The following CTNNBL1 variants were observed in gnomAD, a reference collection of about 807,000 sequenced individuals.
CTNNBL1 encodes catenin beta like 1.
A neutral mutation model predicts 72.7 loss-of-function variants in CTNNBL1; 31 were observed. The ratio of observed to expected loss-of-function variants is 0.43; its 90% CI spans 0.32 to 0.58. The LOEUF (loss-of-function observed/expected upper bound fraction) is 0.58. CTNNBL1 is among the 20% of genes least tolerant of loss of function. The probability of loss-of-function intolerance (pLI) is 0.08; values close to 1 mark genes in which losing one functional copy is unlikely to be tolerated. For missense variants in CTNNBL1, 534 were observed against 725.1 expected (o/e 0.74, Z 3.03); for synonymous variants, 240 against 267.3 (o/e 0.90, Z 1.00).
intron 13 of CTNNBL1, among the ~76,000 whole-genome samples, chr20:37,858,562 G>C (rs1405797883): frequency 6.6e-6 from 1 of 151,848 alleles, no homozygotes; most frequent in East Asian, 2.0e-4. Context: ...TGGCAGAAGT[G>C]TTCACAGTGC....
At chr20:37,711,783 G>C (rs138208253) in intron 1 of CTNNBL1, among the ~76,000 whole-genome samples, 48 of 151,926 alleles carry the variant, frequency 3.2e-4, no homozygotes, top group African/African-American at 9.7e-4. Context: ...AAAGATCAAG[G>C]GAAAAGCCAA....
intron 11 of CTNNBL1, among the ~76,000 whole-genome samples, chr20:37,803,670 A>T (rs2073841036): frequency 6.6e-6 from 1 of 152,176 alleles, no homozygotes; most frequent in Admixed American, 6.5e-5. Context: ...ATTTATGAGC[A>T]TTGACAGTTC....
At chr20:37,704,085 T>C (rs550912576) in intron 1 of CTNNBL1, among the ~76,000 whole-genome samples, 1 of 152,332 alleles carries the variant, frequency 6.6e-6, no homozygotes, top group African/African-American at 2.4e-5. Flanking sequence ...CCATGGTTCT[T>C]TTCTTCATGG....
At chr20:37,847,377 T>C (rs993810509) in intron 13 of CTNNBL1, among the ~76,000 whole-genome samples, 3 of 152,182 alleles carry the variant, frequency 2.0e-5, no homozygotes, top group Admixed American at 6.5e-5. Context: ...ATAATGTCTC[T>C]GGACATACCC....
intron 10 of CTNNBL1, among the ~76,000 whole-genome samples, chr20:37,800,929 G>T (rs2073819063): frequency 6.6e-6 from 1 of 152,142 alleles, no homozygotes; most frequent in Admixed American, 6.5e-5. Context: ...AAATTTACAT[G>T]ACTGATTCAT....
At chr20:37,867,671 C>CTGCA (rs1285152627) in intron 15 of CTNNBL1, among the ~76,000 whole-genome samples, 2 of 152,104 alleles carry the variant, frequency 1.3e-5, no homozygotes, top group Non-Finnish European at 2.9e-5. Context: ...TCCCCTCATC[C>CTGCA]TGCAGTCTCT....
chr20:37,777,239 A>G (rs1033961614), intron 7 of CTNNBL1, 106 bp from the exon 8 acceptor site: 1 of 869,798 alleles, frequency 1.1e-6, no homozygotes, highest in African/African-American at 1.7e-5. Flanking sequence ...TCCTTTTCTA[A>G]CTTCTGCTTC....
At chr20:37,769,850 T>C (rs2073507070) in intron 7 of CTNNBL1, among the ~76,000 whole-genome samples, 1 of 152,254 alleles carries the variant, frequency 6.6e-6, no homozygotes, top group Non-Finnish European at 1.5e-5. Context: ...AGGTCAGATT[T>C]GTCCTCCACT....
chr20:37,744,994 A>G (rs1184159111), intron 3 of CTNNBL1, among the ~76,000 whole-genome samples: 2 of 152,208 alleles, frequency 1.3e-5, no homozygotes, highest in Non-Finnish European at 2.9e-5. Context: ...GCTTAAACAT[A>G]AAGAGTATTA....
chr20:37,766,548 T>C (rs1175924281), intron 6 of CTNNBL1, among the ~76,000 whole-genome samples: 1 of 152,092 alleles, frequency 6.6e-6, no homozygotes, highest in Non-Finnish European at 1.5e-5. Flanking sequence ...AAAAGCACTG[T>C]GGGAATGAAG....
chr20:37,736,825 T>C (rs114593123), intron 2 of CTNNBL1, among the ~76,000 whole-genome samples: 6,283 of 152,226 alleles, frequency 0.041, 366 homozygotes, highest in African/African-American at 0.13. Flanking sequence ...AACCGAATTT[T>C]CTGTGTTACA....
rs369087339 is a variant in CTNNBL1 at position 37,840,898 on chromosome 20, T to A, written c.1311+699T>A. On this transcript the variant is annotated intron_variant, in intron 12 of 15. Coordinates refer to ENST00000361383, the MANE Select transcript of CTNNBL1 (RefSeq NM_030877.5). ...GGGAACACAATTACATGAGATTAGA[T>A]GGTTCGGGCTATGGAAGCTGGGAAC... Among the ~76,000 whole-genome samples, 6 of 152,070 alleles carry A rather than the reference T, an allele frequency of 3.9e-5. No homozygotes were observed. The South Asian group carries it at 6.3e-4, about 16-fold the overall frequency.
intron 15 of CTNNBL1, among the ~76,000 whole-genome samples, chr20:37,862,803 G>A (rs952327395): frequency 1.3e-5 from 2 of 148,976 alleles, no homozygotes; most frequent in African/African-American, 2.5e-5. Context: ...TTCATAGCCA[G>A]CTCCTTAGTC....
rs112138979 is a variant in CTNNBL1, at chr20:37,785,762, T to G, written c.1031+6427T>G. Among the ~76,000 whole-genome samples the G allele has an allele frequency of 3.2e-3, 495 of 152,346 alleles. 7 individuals carry two copies. The highest frequency in any genetic ancestry group is 0.011 in the African/African-American group (446 of 41,576). Reference sequence around the variant, plus strand: ...ACTGGTCTCTTACTTAGTTCATTTGTTGAGGTCATGTTTTCTTGGACGGTC... The same window carrying G: ...ACTGGTCTCTTACTTAGTTCATTTGGTGAGGTCATGTTTTCTTGGACGGTC... On this transcript the variant is annotated intron_variant, in intron 10 of 15. Transcript: ENST00000361383.
chr20:37,756,181 C>CT (rs2073361362), intron 4 of CTNNBL1: 1 of 152,200 alleles, frequency 6.6e-6, no homozygotes, highest in Non-Finnish European at 1.5e-5. Context: ...TTCAGGACGC[C>CT]TGCAGTTCAT....
intron 4 of CTNNBL1, among the ~76,000 whole-genome samples, chr20:37,752,955 A>G (rs1389513175): frequency 6.6e-6 from 1 of 152,088 alleles, no homozygotes; most frequent in Non-Finnish European, 1.5e-5. Flanking sequence ...ATGAAATTGT[A>G]ACTACAGAGG....
intron 15 of CTNNBL1, 74 bp downstream of exon 15, chr20:37,860,418 T>C (rs2072482149): frequency 8.3e-7 from 1 of 1,209,674 alleles, no homozygotes; most frequent in African/African-American, 1.5e-5. Context: ...TCTGTCAGTA[T>C]CCCTGGTATT....
chr20:37,709,031 G>C (rs557072643), intron 1 of CTNNBL1, among the ~76,000 whole-genome samples: 4 of 152,280 alleles, frequency 2.6e-5, no homozygotes, highest in East Asian at 1.9e-4. Context: ...CAGCTACTCA[G>C]GAGGCTGAGA....
chr20:37,853,352 G>C (rs1018658335), intron 13 of CTNNBL1, among the ~76,000 whole-genome samples: 7 of 152,234 alleles, frequency 4.6e-5, no homozygotes, highest in Non-Finnish European at 1.0e-4. Context: ...CAGGACCTTT[G>C]ATGAGGGAAG....
Sources: gnomAD v4.1 joint callset for allele counts (sites outside exome capture counted in the v4.1 genomes callset) on GRCh38, gnomAD v4.1.1 for gene constraint, MANE v1.5 for transcripts, NCBI Gene and HGNC (gene_info 2026-07-23, HGNC 2026-07-21) for gene names.